Variants in CTSH observed in about 807,000 individuals in gnomAD.
CTSH encodes the protein pro-cathepsin H.
CTSH carries 52 observed loss-of-function variants against 56.3 expected under a neutral mutation model. The observed-to-expected ratio is 0.92, with a 90% CI of 0.74 to 1.16. The LOEUF (loss-of-function observed/expected upper bound fraction) is 1.16. CTSH is among the 50% of genes most tolerant of loss of function. CTSH has a pLI of 0.00. For missense variants in CTSH, 406 were observed against 424.5 expected, an observed-to-expected ratio of 0.96 and a Z score of 0.38; for synonymous variants, 174 against 155.7, an observed-to-expected ratio of 1.12 and a Z score of -0.88.
In CTSH at chr15:78,930,542, AAAT is replaced by A. The variant is rs1197707087; in HGVS notation, c.548+906_548+908del. On this transcript the variant is annotated intron_variant, in intron 7 of 11. Coordinates refer to ENST00000220166, the MANE Select transcript of CTSH (RefSeq NM_004390.5). ...ACTCCATCTCAAAAAAAGAAAAAAT[AAAT>A]AAATAAATAAATAAATAAATAAATA... is the stretch of plus-strand genomic sequence containing the variant. 2.2e-3 allele frequency among the ~76,000 whole-genome samples: 122 copies of A among 56,700 alleles called. 2 individuals are homozygous for A. Among genetic ancestry groups the A allele is most frequent in the African/African-American group, 0.011 (110 of 9,836 alleles). 37.2% of individuals were successfully genotyped at this position (56,700 alleles called of 152,430 possible).
intron 1 of CTSH, among the ~76,000 whole-genome samples, chr15:78,939,566 A>C (rs1158184207): frequency 1.3e-5 from 2 of 152,200 alleles, no homozygotes. Context: ...GTATGAAGTT[A>C]TATTTCGGTA....
intron 8 of CTSH, 152 bp from the exon 9 acceptor site, chr15:78,927,933 C>G (rs2054949036): frequency 4.4e-6 from 3 of 684,878 alleles, no homozygotes; most frequent in Non-Finnish European, 7.8e-6. Flanking sequence ...TCCTTGTCCT[C>G]AAGGAGCTTA....
rs879826755 is a variant in CTSH, at chr15:78,930,569, TAAAA to T, written c.548+878_548+881del. On this transcript the variant is annotated intron_variant, in intron 7 of 11. Transcript: ENST00000220166. The stretch of plus-strand genomic sequence containing the variant: ...ATAAATAAATAAATAAATAAATAAA[TAAAA>T]AATAAAAACGGTGGGACCCCAGAGT... Among the ~76,000 whole-genome samples, 1,000 of 135,338 alleles carry T rather than the reference TAAAA, an allele frequency of 7.4e-3. 21 individuals are homozygous for T. Among genetic ancestry groups the T allele is most frequent in the African/African-American group, 0.025 (851 of 34,686 alleles). The allele number at this position is 135,338 out of a possible 152,430, so 88.8% of individuals were successfully genotyped here. A position where few individuals can be genotyped will look rare whatever the true frequency, so the allele number is the denominator to read the frequency against.
At chr15:78,925,706 C>A (rs549150691) in intron 9 of CTSH, 6 of 376,240 alleles carry the variant, frequency 1.6e-5, no homozygotes, top group South Asian at 1.5e-4. Context: ...CTCATTCAGT[C>A]ATTCACATCC....
At chr15:78,937,182 C>T (rs975778242) in intron 3 of CTSH, 136 bp downstream of exon 3, 2 of 679,400 alleles carry the variant, frequency 2.9e-6, no homozygotes, top group Non-Finnish European at 5.1e-6. Context: ...AGCGGAGCCA[C>T]AATCTGAGGT....
At chr15:78,929,165 G>A (rs779902079) in intron 8 of CTSH, among the ~76,000 whole-genome samples, 22 of 152,200 alleles carry the variant, frequency 1.4e-4, no homozygotes, top group South Asian at 2.1e-4. Context: ...AGTCTGGCTC[G>A]GGAAGGAAAG....
chr15:78,925,335 T>C lies in CTSH; in HGVS notation c.805A>G (p.Ser269Gly). Residue 269 changes from serine (S) to glycine (G), a missense_variant and splice_region_variant, in exon 10 of 12, where the codon AGT (serine) becomes GGT (glycine). Coordinates refer to ENST00000220166, the MANE Select transcript of CTSH (RefSeq NM_004390.5). ...FMMYRTGIYS[S>G]TSCHKTPDKV... ...CTGGCTCCTGGGACCCTGACTCACC[T>C]GGAGTAGATGCCGGTTCTATACATC... 6.2e-7 allele frequency: 1 copy of C among 1,602,870 alleles called. No individual in the cohort carries two copies.
intron 8 of CTSH, among the ~76,000 whole-genome samples, chr15:78,928,589 A>T (rs1383303616): frequency 9.5e-6 from 1 of 105,656 alleles, no homozygotes; most frequent in Non-Finnish European, 1.9e-5. Flanking sequence ...AAAAAAAAAA[A>T]GAAGGGAGAG....
In CTSH at chr15:78,939,122, A is replaced by C. The variant is rs1234033357; in HGVS notation, c.123+18T>G. On this transcript the variant is annotated intron_variant, in intron 2 of 11. Transcript: ENST00000220166. ...TTGTGAAATGAAAAACTTCAAAAAGAAGAAGTTGGGCACTGACCTTAGACA... is the reference window on the plus strand; with the variant it reads ...TTGTGAAATGAAAAACTTCAAAAAGCAGAAGTTGGGCACTGACCTTAGACA... 9 of 1,587,432 alleles carry C rather than the reference A, an allele frequency of 5.7e-6. No individual in the cohort carries two copies. In the South Asian group the frequency reaches 9.3e-5, roughly 16 times the overall value.
Position 78,944,953 on chromosome 15 carries a change from G to GCGCAGAGCAGCGGCAGCGTGGCC in CTSH, c.6_28dup (p.Ala10GlyfsTer26), listed in dbSNP as rs1567387008. ...GGGGACTCCCAGGAGCCAGGCCCCGGCGCAGAGCAGCGGCAGCGTGGCCCA... is the reference window on the plus strand; with the variant it reads ...GGGGACTCCCAGGAGCCAGGCCCCGGCGCAGAGCAGCGGCAGCGTGGCCCGCAGAGCAGCGGCAGCGTGGCCCA... On this transcript the variant is annotated frameshift_variant, in exon 1 of 12. Coordinates refer to ENST00000220166, the MANE Select transcript of CTSH (RefSeq NM_004390.5). LOFTEE classifies it high-confidence loss of function. The GCGCAGAGCAGCGGCAGCGTGGCC allele has an allele frequency of 3.9e-6, 6 of 1,546,478 alleles. No homozygotes were observed. Among genetic ancestry groups the GCGCAGAGCAGCGGCAGCGTGGCC allele is most frequent in the Non-Finnish European group, 5.2e-6 (6 of 1,145,694 alleles).
At chr15:78,937,858 A>G (rs1166853760) in intron 2 of CTSH, 1 of 1,231,520 alleles carries the variant, frequency 8.1e-7, no homozygotes, top group Middle Eastern at 2.5e-4. Context: ...TTATTGATAT[A>G]TAACTGATGT....
rs547419968 is a variant in CTSH at position 78,937,205 on chromosome 15, G to C, written c.229+113C>G. On this transcript the variant is annotated intron_variant, in intron 3 of 11. Transcript: ENST00000220166. ...CACAATCTGAGGTCAGCCAAACACA[G>C]CTTCAGAGCCTGGGCTTCTGCTCCC... 6.0e-5 allele frequency: 48 copies of C among 796,264 alleles called. No individual in the cohort carries two copies. In the East Asian group the frequency reaches 1.2e-3, roughly 20 times the overall value. 49.3% of individuals were successfully genotyped at this position (796,264 alleles called of 1,614,324 possible).
At chr15:78,944,586 A>C in intron 1 of CTSH, 1 of 308,250 alleles carries the variant, frequency 3.2e-6, no homozygotes, top group South Asian at 7.0e-5. Context: ...CTGTGTCCCC[A>C]GTTGAGGAAG....
chr15:78,935,639 A>G (rs2055159062), intron 4 of CTSH, 41 bp downstream of exon 4: 1 of 1,533,744 alleles, frequency 6.5e-7, no homozygotes, highest in South Asian at 1.1e-5. Flanking sequence ...CAAAGGTTTC[A>G]GTAAAAGGAT....
intron 2 of CTSH, chr15:78,937,889 T>A: frequency 1.0e-6 from 1 of 1,004,778 alleles, no homozygotes; most frequent in Non-Finnish European, 1.4e-6. Flanking sequence ...GTAAATGTAA[T>A]ATTTCGATAC....
At chr15:78,943,557 G>A (rs756649924) in intron 1 of CTSH, among the ~76,000 whole-genome samples, 92 of 152,196 alleles carry the variant, frequency 6.0e-4, no homozygotes, top group Non-Finnish European at 1.2e-3. Context: ...TACAGCTCCT[G>A]GGCTACAAAC....
intron 10 of CTSH, among the ~76,000 whole-genome samples, chr15:78,923,656 C>T (rs1473007267): frequency 6.6e-6 from 1 of 152,200 alleles, no homozygotes; most frequent in Non-Finnish European, 1.5e-5. Flanking sequence ...CCGTGTCTCA[C>T]CCCTGACACT....
chr15:78,923,013 A>AC lies in CTSH; in HGVS notation c.911dup (p.Pro305SerfsTer106), dbSNP rs2054808868. On this transcript the variant is annotated frameshift_variant, in exon 11 of 12. Coordinates refer to ENST00000220166, the MANE Select transcript of CTSH (RefSeq NM_004390.5). LOFTEE classifies it high-confidence loss of function. ...CTTACCCGTTCATTCCCCACTGGGG[A>AC]CCCCAAGAGTTTTTCACGATCCAGT... The AC allele has an allele frequency of 1.2e-6, 2 of 1,611,138 alleles. No individual in the cohort carries two copies. The highest frequency in any genetic ancestry group is 1.7e-6 in the Non-Finnish European group (2 of 1,179,086).
chr15:78,923,167 C>G, intron 10 of CTSH, 49 bp from the exon 11 acceptor site: 3 of 1,605,682 alleles, frequency 1.9e-6, no homozygotes, highest in Non-Finnish European at 2.6e-6. Flanking sequence ...AGGATAAAAG[C>G]AATGACAGTC....
Sources: gnomAD v4.1 joint callset for allele counts (sites outside exome capture counted in the v4.1 genomes callset) on GRCh38, gnomAD v4.1.1 for gene constraint, MANE v1.5 for transcripts, NCBI Gene and HGNC (gene_info 2026-07-23, HGNC 2026-07-21) for gene names.